GLI2: variants seen among roughly 807,000 people sequenced by gnomAD.
The protein encoded by GLI2 is transcription activator GLI2.
GLI2 carries 22 observed loss-of-function variants against 78.9 expected under a neutral mutation model. The ratio of observed to expected loss-of-function variants is 0.28; its 90% CI spans 0.20 to 0.40. The LOEUF (loss-of-function observed/expected upper bound fraction) is 0.40. Among genes scored for constraint, GLI2 ranks in the 10% least tolerant of loss-of-function variants. The probability of loss-of-function intolerance (pLI) is 1.00; values close to 1 mark genes in which losing one functional copy is unlikely to be tolerated. For synonymous variants in GLI2, 974 were observed against 963.7 expected, an observed-to-expected ratio of 1.01 and a Z score of -0.20; for missense variants, 2,097 against 2,213.2, an observed-to-expected ratio of 0.95 and a Z score of 1.05.
chr2:120,821,610 C>T (rs1165920200), intron 2 of GLI2, among the ~76,000 whole-genome samples: 1 of 152,148 alleles, frequency 6.6e-6, no homozygotes, highest in East Asian at 1.9e-4. Flanking sequence ...CACCTGGTGA[C>T]CAGTAAGCCT....
intron 2 of GLI2, among the ~76,000 whole-genome samples, chr2:120,814,464 T>C (rs1295851847): frequency 6.6e-6 from 1 of 152,200 alleles, no homozygotes; most frequent in Non-Finnish European, 1.5e-5. Context: ...AGTGCCTCAC[T>C]GGGAATGAGT....
At chr2:120,808,205 A>G (rs528614028) in intron 2 of GLI2, among the ~76,000 whole-genome samples, 2 of 152,238 alleles carry the variant, frequency 1.3e-5, no homozygotes, top group Non-Finnish European at 1.5e-5. Flanking sequence ...TATCCCTGCA[A>G]TTCTAGAAAT....
chr2:120,842,565 A>G (rs1476189700), intron 2 of GLI2, among the ~76,000 whole-genome samples: 1 of 152,188 alleles, frequency 6.6e-6, no homozygotes, highest in Non-Finnish European at 1.5e-5. Context: ...TGCGTCCCAC[A>G]TTTGAGAGCA....
intron 1 of GLI2, among the ~76,000 whole-genome samples, chr2:120,743,660 C>T (rs990621378): frequency 3.3e-5 from 5 of 152,254 alleles, no homozygotes; most frequent in East Asian, 3.9e-4. Flanking sequence ...ATAATTAGCC[C>T]GAACCCCTTG....
At chr2:120,978,769 C>T (rs1682581720) in intron 10 of GLI2, among the ~76,000 whole-genome samples, 186 bp downstream of exon 10, 1 of 152,180 alleles carries the variant, frequency 6.6e-6, no homozygotes, top group Non-Finnish European at 1.5e-5. Flanking sequence ...TCGCCTCGTG[C>T]CGTCCCAGAC....
At chr2:120,843,402 G>T (rs182736352) in intron 2 of GLI2, among the ~76,000 whole-genome samples, 1 of 152,166 alleles carries the variant, frequency 6.6e-6, no homozygotes, top group African/African-American at 2.4e-5. Context: ...GAACTTAGAC[G>T]TCAGGACAAG....
chr2:120,793,930 C>A (rs964942801), intron 1 of GLI2, among the ~76,000 whole-genome samples: 1 of 152,232 alleles, frequency 6.6e-6, no homozygotes, highest in Non-Finnish European at 1.5e-5. Context: ...GCCTCAGCTT[C>A]CTCCCCTATA....
intron 5 of GLI2, among the ~76,000 whole-genome samples, chr2:120,958,838 A>G (rs1468019167): frequency 6.6e-6 from 1 of 152,162 alleles, no homozygotes; most frequent in Non-Finnish European, 1.5e-5. Context: ...GCGGGACCCA[A>G]GGCGCCCCCA....
Position 120,990,277 on chromosome 2 carries a change from G to A in GLI2, c.4312G>A (p.Glu1438Lys), listed in dbSNP as rs772550425. The A allele has an allele frequency of 4.3e-6, 7 of 1,613,678 alleles. No individual in the cohort carries two copies. Among genetic ancestry groups the A allele is most frequent in the African/African-American group, 1.3e-5 (1 of 75,044 alleles). ...LYYYGQIHMY[E>K]QDGGLENLGS... ...CTACTACGGCCAGATCCACATGTAC[G>A]AACAGGATGGAGGCCTGGAGAACCT... The change falls in exon 14 of 14, where the codon GAA becomes AAA. Residue 1438 changes from glutamate (E) to lysine (K), a missense_variant. Transcript: ENST00000361492.
At chr2:120,757,280 G>C (rs1478648744) in intron 1 of GLI2, among the ~76,000 whole-genome samples, 1 of 149,100 alleles carries the variant, frequency 6.7e-6, no homozygotes, top group Non-Finnish European at 1.5e-5. Context: ...AATATTGTAA[G>C]TTTTATCTTA....
At chr2:120,960,059 A>G (rs1481414206) in intron 5 of GLI2, among the ~76,000 whole-genome samples, 1 of 152,170 alleles carries the variant, frequency 6.6e-6, no homozygotes, top group Non-Finnish European at 1.5e-5. Flanking sequence ...GTTGTGTCTC[A>G]TGCACACACG....
At chr2:120,754,389 T>G (rs1682976537) in intron 1 of GLI2, among the ~76,000 whole-genome samples, 1 of 152,038 alleles carries the variant, frequency 6.6e-6, no homozygotes, top group African/African-American at 2.4e-5. Context: ...ATAATGGACA[T>G]ATCCATCATC....
chr2:120,865,138 C>A (rs1378471409), intron 2 of GLI2, among the ~76,000 whole-genome samples: 2 of 152,188 alleles, frequency 1.3e-5, no homozygotes, highest in African/African-American at 4.8e-5. Context: ...GGAGCCCGAG[C>A]CAGGAGGGCT....
At chr2:120,817,290 A>G (rs2104740106) in intron 2 of GLI2, among the ~76,000 whole-genome samples, 1 of 152,174 alleles carries the variant, frequency 6.6e-6, no homozygotes. Flanking sequence ...AGCCACCCCC[A>G]CTGCCTCCGT....
intron 2 of GLI2, among the ~76,000 whole-genome samples, chr2:120,889,141 C>G (rs2104743140): frequency 6.6e-6 from 1 of 152,354 alleles, no homozygotes; most frequent in Non-Finnish European, 1.5e-5. Flanking sequence ...ATAGTCTCCT[C>G]TTTTAGCCCT....
chr2:120,890,653 T>TA (rs1278775962), intron 2 of GLI2, among the ~76,000 whole-genome samples: 1 of 152,198 alleles, frequency 6.6e-6, no homozygotes, highest in African/African-American at 2.4e-5. Context: ...TGTTACTTCT[T>TA]ACAGCTGCAT....
chr2:120,775,973 T>G (rs1274662922), intron 1 of GLI2, among the ~76,000 whole-genome samples: 1 of 152,250 alleles, frequency 6.6e-6, no homozygotes, highest in East Asian at 1.9e-4. Flanking sequence ...GCTCTCGCCC[T>G]GGCTGGCACA....
At chr2:120,885,259 A>G (rs1188013892) in intron 2 of GLI2, among the ~76,000 whole-genome samples, 1 of 152,194 alleles carries the variant, frequency 6.6e-6, no homozygotes, top group East Asian at 1.9e-4. Flanking sequence ...GAAGAGACCC[A>G]GTAAATAGAC....
At chr2:120,773,607 C>T (rs1023147608) in intron 1 of GLI2, among the ~76,000 whole-genome samples, 13 of 152,274 alleles carry the variant, frequency 8.5e-5, no homozygotes, top group African/African-American at 2.9e-4. Context: ...GCGTCTGTTG[C>T]GTGCTTGGGT....
Sources: allele counts gnomAD v4.1 joint callset (sites outside exome capture counted in the v4.1 genomes callset), GRCh38; gene constraint gnomAD v4.1.1; transcripts MANE v1.5; gene names NCBI Gene and HGNC (gene_info 2026-07-23, HGNC 2026-07-21).